PCYT1B: variants seen among roughly 807,000 people sequenced by gnomAD.
The protein encoded by PCYT1B is phosphate cytidylyltransferase 1B, choline, also known as choline-phosphate cytidylyltransferase B.
PCYT1B carries 10 observed loss-of-function variants against 26.4 expected under a neutral mutation model. The observed-to-expected ratio is 0.38, with a 90% CI of 0.23 to 0.64. PCYT1B has a LOEUF of 0.64. Ranked by LOEUF, PCYT1B falls within the 30% of genes least tolerant of loss-of-function variation. PCYT1B has a pLI of 0.56. For missense variants in PCYT1B, 161 were observed against 292.7 expected, an observed-to-expected ratio of 0.55 and a Z score of 3.28; for synonymous variants, 131 against 108.4, an observed-to-expected ratio of 1.21 and a Z score of -1.29.
At chrX:24,646,419 G>A (rs1926625648) in intron 1 of PCYT1B, among the ~76,000 whole-genome samples, 1 of 111,646 alleles carries the variant, frequency 9.0e-6, no homozygotes, top group African/African-American at 3.3e-5. Flanking sequence ...CTCTGGAAAT[G>A]TTTTACAATT....
At chrX:24,662,796 C>T (rs1010363915) in intron 1 of PCYT1B, among the ~76,000 whole-genome samples, 1 of 112,016 alleles carries the variant, frequency 8.9e-6, no homozygotes, top group African/African-American at 3.2e-5. Context: ...CGAGGTTATC[C>T]GGCCCCTTTT....
chrX:24,658,232 A>G (rs1260970767), intron 1 of PCYT1B: 3 of 112,343 alleles, frequency 2.7e-5, no homozygotes, highest in Non-Finnish European at 5.6e-5. Flanking sequence ...TTTGAATGAC[A>G]TGGTCTCCAA....
At chrX:24,631,100 T>A (rs1027108172) in intron 1 of PCYT1B, among the ~76,000 whole-genome samples, 1 of 111,452 alleles carries the variant, frequency 9.0e-6, no homozygotes, top group African/African-American at 3.3e-5. Flanking sequence ...TTTTTTGTAC[T>A]TTTAGTAGAG....
In PCYT1B at chrX:24,575,438, G is replaced by A. The variant is rs749528260; in HGVS notation, c.709-120C>T. 3.6e-5 allele frequency: 20 copies of A among 549,485 alleles called. No individual in the cohort carries two copies. In the East Asian group the frequency reaches 7.1e-4, roughly 19 times the overall value. 45.3% of individuals were successfully genotyped at this position (549,485 alleles called of 1,213,427 possible). ...TTTGTATTTGTTCCTAACCTGAAGA[G>A]TCAAGATGTTGCCATTTCCCAAGGG... On this transcript the variant is annotated intron_variant, in intron 6 of 7. Transcript: ENST00000379144.
chrX:24,580,871 G>A (rs2148228235), intron 5 of PCYT1B, among the ~76,000 whole-genome samples: 1 of 111,444 alleles, frequency 9.0e-6, no homozygotes, highest in Admixed American at 9.6e-5. Flanking sequence ...CAAACCCTCT[G>A]AAGGCGAGTT....
chrX:24,648,087 G>C (rs1014644921), upstream of PCYT1B, among the ~76,000 whole-genome samples: 2 of 111,601 alleles, frequency 1.8e-5, no homozygotes, highest in Non-Finnish European at 3.8e-5. Flanking sequence ...CCAGTCGTGG[G>C]TCCCATTTCC....
intron 3 of PCYT1B, among the ~76,000 whole-genome samples, chrX:24,597,050 A>T (rs1449234682): frequency 1.8e-5 from 2 of 111,620 alleles, no homozygotes; most frequent in Admixed American, 1.9e-4. Context: ...CTCCAGAAAG[A>T]CAGTCTAAGA....
At chrX:24,580,914 G>A (rs952872267) in intron 5 of PCYT1B, among the ~76,000 whole-genome samples, 5 of 111,493 alleles carry the variant, frequency 4.5e-5, no homozygotes, top group African/African-American at 1.3e-4. Context: ...TGAGAAAAAG[G>A]TGATTGGACA....
At chrX:24,672,484 A>G (rs1927275057) in intron 1 of PCYT1B, 2 of 625,250 alleles carry the variant, frequency 3.2e-6, no homozygotes, top group Non-Finnish European at 2.6e-6. Context: ...CAGATTCATT[A>G]CACTTGCAGA....
chrX:24,589,993 A>T (rs1346353879), intron 4 of PCYT1B, 30 bp downstream of exon 4: 2 of 1,156,830 alleles, frequency 1.7e-6, no homozygotes, highest in Non-Finnish European at 2.3e-6. Context: ...TAATCTTGCT[A>T]CTTAGAGAAT....
At position 24,581,467 on chromosome X, in the gene PCYT1B, C is replaced by T. The variant is rs1048228252; in HGVS notation, c.566-2009G>A. ...CCCTCCCCTCACTCTGCCACAGACA[C>T]AATCTTTACCTGGTTAACTCCTGGG... On this transcript the variant is annotated intron_variant, in intron 5 of 7. Coordinates refer to ENST00000379144, the MANE Select transcript of PCYT1B (RefSeq NM_004845.5). 3.6e-5 allele frequency among the ~76,000 whole-genome samples: 4 copies of T among 111,962 alleles called. No homozygotes were observed. In the Admixed American group the frequency reaches 3.8e-4, roughly 11 times the overall value.
At position 24,637,479 on chromosome X, in the gene PCYT1B, T is replaced by TAAAAA. The variant is rs1201643219; in HGVS notation, c.117+9505_117+9509dup. 4.0e-3 allele frequency among the ~76,000 whole-genome samples: 235 copies of TAAAAA among 59,397 alleles called. 10 individuals are homozygous for TAAAAA. The highest frequency in any genetic ancestry group is 0.016 in the African/African-American group (141 of 8,700). 51.6% of individuals were successfully genotyped at this position (59,397 alleles called of 115,157 possible). A position where few individuals can be genotyped will look rare whatever the true frequency, so the allele number is the denominator to read the frequency against. On this transcript the variant is annotated intron_variant, in intron 1 of 7. Transcript: ENST00000379144. Reference sequence around the variant, plus strand: ...CAACATGGTGAAACCCCATCTCTACTAAAAAAAAAAAAATATATATATATA... The same window carrying TAAAAA: ...CAACATGGTGAAACCCCATCTCTACTAAAAAAAAAAAAAAAAAATATATATATATA...
At chrX:24,607,377 C>CT (rs1353081911) in intron 3 of PCYT1B, among the ~76,000 whole-genome samples, 1 of 112,272 alleles carries the variant, frequency 8.9e-6, no homozygotes, top group Non-Finnish European at 1.9e-5. Context: ...CCCTTTAGTT[C>CT]TTTGAGATTT....
intron 1 of PCYT1B, among the ~76,000 whole-genome samples, chrX:24,661,848 T>C (rs914481841): frequency 5.4e-5 from 6 of 112,056 alleles, no homozygotes; most frequent in South Asian, 3.7e-4. Flanking sequence ...GAAGGAATTA[T>C]TGTTAATTTA....
intron 3 of PCYT1B, among the ~76,000 whole-genome samples, chrX:24,595,052 G>A (rs1231053025): frequency 1.8e-5 from 2 of 110,427 alleles, no homozygotes; most frequent in African/African-American, 6.6e-5. Context: ...TTTACGAATA[G>A]TAGTAGGAAA....
At chrX:24,637,489 A>ATATATATATATATATATATAT in intron 1 of PCYT1B, among the ~76,000 whole-genome samples, 1 of 55,773 alleles carries the variant, frequency 1.8e-5, no homozygotes, top group Non-Finnish European at 2.7e-5. Flanking sequence ...TAAAAAAAAA[A>ATATATATATATATATATATAT]AAATATATAT....
chrX:24,609,819 G>T (rs1925253006), intron 2 of PCYT1B, among the ~76,000 whole-genome samples: 1 of 111,417 alleles, frequency 9.0e-6, no homozygotes, highest in South Asian at 3.8e-4. Context: ...AGTCGGGCGT[G>T]GTGGCTCAAG....
chrX:24,573,025 TACAC>T (rs1923890680), intron 7 of PCYT1B, among the ~76,000 whole-genome samples: 1 of 103,526 alleles, frequency 9.7e-6, no homozygotes, highest in Admixed American at 1.1e-4. Context: ...TACACACACA[TACAC>T]ACATATATAC....
At chrX:24,672,109 C>T (rs1412980674) in intron 1 of PCYT1B, among the ~76,000 whole-genome samples, 2 of 111,965 alleles carry the variant, frequency 1.8e-5, no homozygotes, top group East Asian at 5.6e-4. Context: ...TTGCAGTGAG[C>T]CGAGATCGTG....
Sources: gnomAD v4.1 joint callset for allele counts (sites outside exome capture counted in the v4.1 genomes callset) on GRCh38, gnomAD v4.1.1 for gene constraint, MANE v1.5 for transcripts, NCBI Gene and HGNC (gene_info 2026-07-23, HGNC 2026-07-21) for gene names.